The following PDZD2 variants were observed in gnomAD, a reference collection of about 807,000 sequenced individuals.
PDZD2 encodes the protein PDZ domain-containing protein 2.
PDZD2 carries 90 observed loss-of-function variants against 220.7 expected under a neutral mutation model. The observed-to-expected ratio is 0.41, with a 90% confidence interval of 0.34 to 0.49. The LOEUF (loss-of-function observed/expected upper bound fraction) is 0.49, where lower values mean the gene tolerates loss of function less well. Among genes scored for constraint, PDZD2 ranks in the 20% least tolerant of loss-of-function variants. PDZD2 has a pLI of 0.28. For synonymous variants in PDZD2, 1,375 were observed against 1,450.5 expected (o/e 0.95, Z 1.18); for missense variants, 3,174 against 3,608.5 (o/e 0.88, Z 3.08).
chr5:31,912,366 C>T (rs1271537960), intron 2 of PDZD2, among the ~76,000 whole-genome samples: 1 of 152,164 alleles, frequency 6.6e-6, no homozygotes, highest in Non-Finnish European at 1.5e-5. Flanking sequence ...CTTATCGCTT[C>T]CCAAAGGCCC....
At chr5:31,877,754 A>G (rs551450853) in intron 2 of PDZD2, among the ~76,000 whole-genome samples, 2 of 152,250 alleles carry the variant, frequency 1.3e-5, no homozygotes, top group South Asian at 4.1e-4. Flanking sequence ...CAGTGGCATG[A>G]TCTTGGCTCA....
At chr5:31,964,497 GT>G (rs922307416) in intron 2 of PDZD2, among the ~76,000 whole-genome samples, 1 of 151,954 alleles carries the variant, frequency 6.6e-6, no homozygotes, top group Admixed American at 6.6e-5. Flanking sequence ...TTTTTTTGTT[GT>G]TTTTTTCCCA....
chr5:32,022,185 G>GTTTTTTTTTTTTTTTTTTT (rs145876120), intron 6 of PDZD2, among the ~76,000 whole-genome samples: 3 of 135,592 alleles, frequency 2.2e-5, no homozygotes, highest in Admixed American at 7.7e-5. Flanking sequence ...TTGTTTTTTT[G>GTTTTTTTTTTTTTTTTTTT]TTTTTTTGTT....
At chr5:31,975,795 T>TTTTG (rs1749701383) in intron 2 of PDZD2, among the ~76,000 whole-genome samples, 1 of 44,424 alleles carries the variant, frequency 2.3e-5, no homozygotes, top group African/African-American at 9.0e-5. Flanking sequence ...ATCAGTCACT[T>TTTTG]TTTTTTTATT....
At chr5:31,901,118 A>G (rs1034837582) in intron 2 of PDZD2, among the ~76,000 whole-genome samples, 4 of 152,282 alleles carry the variant, frequency 2.6e-5, no homozygotes, top group African/African-American at 7.2e-5. Flanking sequence ...GCTAACAGCT[A>G]TAAAAACAGG....
intron 2 of PDZD2, among the ~76,000 whole-genome samples, chr5:31,800,402 T>C (rs1195734216): frequency 6.6e-6 from 1 of 152,176 alleles, no homozygotes; most frequent in Non-Finnish European, 1.5e-5. Context: ...CAAATCTTGG[T>C]GTCCAAGGTT....
intron 8 of PDZD2, among the ~76,000 whole-genome samples, chr5:32,049,811 GA>G (rs924919235): frequency 1.3e-5 from 2 of 152,146 alleles, no homozygotes; most frequent in African/African-American, 2.4e-5. Flanking sequence ...TAAAAGCAGA[GA>G]AAAAACTGGC....
intron 1 of PDZD2, among the ~76,000 whole-genome samples, chr5:31,670,242 CA>C (rs1746163321): frequency 6.6e-6 from 1 of 152,144 alleles, no homozygotes; most frequent in Admixed American, 6.5e-5. Context: ...CTCAGGCCAT[CA>C]GTGGGGTTTT....
intron 5 of PDZD2, among the ~76,000 whole-genome samples, chr5:32,009,904 C>G (rs1753148423): frequency 6.6e-6 from 1 of 151,810 alleles, no homozygotes; most frequent in African/African-American, 2.4e-5. Flanking sequence ...CCAGCCTGAC[C>G]AACACGGTGA....
chr5:31,964,775 G>T (rs894690066), intron 2 of PDZD2, among the ~76,000 whole-genome samples: 1 of 152,190 alleles, frequency 6.6e-6, no homozygotes, highest in African/African-American at 2.4e-5. Flanking sequence ...GAGGGCAGCG[G>T]CGCGATCTCG....
chr5:31,816,074 G>C (rs967351273), intron 2 of PDZD2, among the ~76,000 whole-genome samples: 1 of 152,016 alleles, frequency 6.6e-6, no homozygotes, highest in Non-Finnish European at 1.5e-5. Context: ...AGATCACGAG[G>C]TCAGGAGATC....
intron 2 of PDZD2, among the ~76,000 whole-genome samples, chr5:31,811,119 C>G (rs1755086552): frequency 6.6e-6 from 1 of 152,162 alleles, no homozygotes; most frequent in South Asian, 2.1e-4. Flanking sequence ...TCTGAAGCAG[C>G]TGGGACTACA....
chr5:31,822,679 A>T (rs1755958116), intron 2 of PDZD2: 1 of 1,317,622 alleles, frequency 7.6e-7, no homozygotes, highest in Non-Finnish European at 1.1e-6. Context: ...ATTTGAAACA[A>T]GCTCAATGTC....
At chr5:31,803,869 C>G (rs1052398892) in intron 2 of PDZD2, among the ~76,000 whole-genome samples, 1 of 151,928 alleles carries the variant, frequency 6.6e-6, no homozygotes. Context: ...GTCCCCATCT[C>G]TATAAAAAAA....
chr5:31,885,739 TG>T (rs1249866497), intron 2 of PDZD2, among the ~76,000 whole-genome samples: 5 of 151,962 alleles, frequency 3.3e-5, no homozygotes, highest in Non-Finnish European at 5.9e-5. Context: ...TTAAGTCAAG[TG>T]ATGATTTTTT....
intron 1 of PDZD2, among the ~76,000 whole-genome samples, chr5:31,753,081 C>G (rs965128636): frequency 1.3e-5 from 2 of 152,086 alleles, no homozygotes; most frequent in Non-Finnish European, 2.9e-5. Flanking sequence ...CACTTGTCTC[C>G]TGAAGGAAAT....
chr5:31,951,034 A>G (rs1747130773), intron 2 of PDZD2, among the ~76,000 whole-genome samples: 1 of 152,016 alleles, frequency 6.6e-6, no homozygotes, highest in Non-Finnish European at 1.5e-5. Context: ...CACATGGTGG[A>G]AGGGGCAGAT....
chr5:31,922,910 C>T (rs1744406516), intron 2 of PDZD2, among the ~76,000 whole-genome samples: 2 of 134,816 alleles, frequency 1.5e-5, no homozygotes, highest in Admixed American at 1.7e-4. Context: ...GAACTCCTGA[C>T]CTCTAGCAAT....
chr5:31,988,444 G>GA (rs1439390841), intron 3 of PDZD2, among the ~76,000 whole-genome samples: 1 of 147,762 alleles, frequency 6.8e-6, no homozygotes, highest in African/African-American at 2.5e-5. Context: ...ATGGGGGTGG[G>GA]GGGGGTGCAT....
Sources: gnomAD v4.1 joint callset for allele counts (sites outside exome capture counted in the v4.1 genomes callset) on GRCh38, gnomAD v4.1.1 for gene constraint, MANE v1.5 for transcripts, NCBI Gene and HGNC (gene_info 2026-07-23, HGNC 2026-07-21) for gene names.